Variants in PVR observed in about 807,000 individuals in gnomAD.
PVR encodes the protein poliovirus receptor.
PVR carries 39 observed loss-of-function variants against 43.3 expected under a neutral mutation model. The ratio of observed to expected loss-of-function variants is 0.90; its 90% confidence interval spans 0.70 to 1.18. PVR has a LOEUF of 1.18. Ranked by LOEUF, PVR falls within the 50% of genes most tolerant of loss-of-function variation. The probability of loss-of-function intolerance (pLI) is 0.00; values close to 1 mark genes in which losing one functional copy is unlikely to be tolerated. For missense variants in PVR, 480 were observed against 549.7 expected (o/e 0.87, Z 1.27); for synonymous variants, 224 against 233.2 (o/e 0.96, Z 0.36).
At chr19:44,655,125 C>T (rs1006731098) in intron 4 of PVR, among the ~76,000 whole-genome samples, 6 of 151,972 alleles carry the variant, frequency 3.9e-5, no homozygotes, top group Non-Finnish European at 5.9e-5. Flanking sequence ...GCTCTGTTGC[C>T]GAGGCTGGAG....
chr19:44,657,891 A>G lies in PVR; in HGVS notation c.972A>G (p.Glu324=). Residue 324 remains glutamate (E), a synonymous_variant, in exon 5 of 8, where the codon GAA becomes GAG. Transcript: ENST00000425690. ...VTNALGARQA[E]LTVQVKEGPP... ...ATGCCCTAGGAGCTCGCCAGGCAGA[A>G]CTGACCGTCCAGGTCAAAGGTGAGG... 1 of 1,613,860 alleles carries G rather than the reference A, an allele frequency of 6.2e-7. No homozygotes were observed. The highest frequency in any genetic ancestry group is 8.5e-7 in the Non-Finnish European group (1 of 1,179,890).
chr19:44,646,648 T>C (rs1973121813), intron 1 of PVR, among the ~76,000 whole-genome samples: 1 of 152,074 alleles, frequency 6.6e-6, no homozygotes, highest in Non-Finnish European at 1.5e-5. Context: ...GGTGGGAGCC[T>C]GTCATCCCAG....
rs1200102928 is a variant in PVR, at chr19:44,662,843, ATC to A, written c.*1036_*1037del. ...GCTTCTAAATCTCTGTATCCGTCAG[ATC>A]TCTGTGGTTACAAGAAACAGCCACT... On this transcript the variant is annotated 3_prime_UTR_variant, in exon 8 of 8. Coordinates refer to ENST00000425690, the MANE Select transcript of PVR (RefSeq NM_006505.5). 3 of 152,186 alleles carry A rather than the reference ATC, an allele frequency of 2.0e-5. No homozygotes were observed. The highest frequency in any genetic ancestry group is 4.4e-5 in the Non-Finnish European group (3 of 68,044). 9.4% of individuals were successfully genotyped at this position (152,186 alleles called of 1,614,324 possible).
In PVR at chr19:44,662,214, A is replaced by G. The variant is rs1474745516; in HGVS notation, c.*403A>G. On this transcript the variant is annotated 3_prime_UTR_variant, in exon 8 of 8. Transcript: ENST00000425690. Reference sequence around the variant, plus strand: ...GTGACAACATGCAAGAAGTACTGCCAATACTGCCAACCAGAGCAGCTCACT... The same window carrying G: ...GTGACAACATGCAAGAAGTACTGCCGATACTGCCAACCAGAGCAGCTCACT... The G allele has an allele frequency of 9.7e-6, 2 of 206,000 alleles. No individual in the cohort carries two copies. Among genetic ancestry groups the G allele is most frequent in the Admixed American group, 5.1e-5 (1 of 19,714 alleles). The allele number at this position is 206,000 out of a possible 1,614,324, so 12.8% of individuals were successfully genotyped here. A position where few individuals can be genotyped will look rare whatever the true frequency, so the allele number is the denominator to read the frequency against.
At chr19:44,657,977 A>G (rs76252326) in intron 5 of PVR, 67 bp downstream of exon 5, 26 of 1,519,296 alleles carry the variant, frequency 1.7e-5, no homozygotes, top group Non-Finnish European at 2.2e-5. Context: ...TTCCCTGTCT[A>G]ATGCTCTCTG....
intron 5 of PVR, 65 bp downstream of exon 5, chr19:44,657,975 C>A: frequency 6.6e-7 from 1 of 1,521,988 alleles, no homozygotes; most frequent in South Asian, 1.2e-5. Flanking sequence ...GGTTCCCTGT[C>A]TAATGCTCTC....
intron 1 of PVR, among the ~76,000 whole-genome samples, chr19:44,645,095 TAA>T (rs1361322237): frequency 8.3e-5 from 8 of 96,008 alleles, no homozygotes; most frequent in Non-Finnish European, 1.3e-4. Context: ...ATAAAATATA[TAA>T]TATATATTAT....
chr19:44,650,250 T>C (rs888172942), intron 3 of PVR, 145 bp downstream of exon 3: 23 of 712,340 alleles, frequency 3.2e-5, no homozygotes, highest in Non-Finnish European at 4.3e-5. Context: ...CCCACCCCCA[T>C]TGTCTGCACC....
At chr19:44,646,179 T>G (rs959345951) in intron 1 of PVR, among the ~76,000 whole-genome samples, 1 of 152,150 alleles carries the variant, frequency 6.6e-6, no homozygotes, top group Non-Finnish European at 1.5e-5. Context: ...CTAAGTCTCA[T>G]TTTACAAACT....
In PVR at chr19:44,662,266, GTT is replaced by G; in HGVS notation, c.*457_*458del. Reference sequence around the variant, plus strand: ...GAGATCTTTGTGTCCAGAGTTTTTTGTTTGTCTTGAGACAGGGTCTGGCTCTG... The same window carrying G: ...GAGATCTTTGTGTCCAGAGTTTTTTGTGTCTTGAGACAGGGTCTGGCTCTG... On this transcript the variant is annotated 3_prime_UTR_variant, in exon 8 of 8. Transcript: ENST00000425690. 1.1e-5 allele frequency: 2 copies of G among 175,276 alleles called. No homozygotes were observed. The highest frequency in any genetic ancestry group is 2.8e-4 in the South Asian group (2 of 7,188). 10.9% of individuals were successfully genotyped at this position (175,276 alleles called of 1,614,324 possible).
intron 3 of PVR, 156 bp from the exon 4 acceptor site, chr19:44,653,744 G>A: frequency 1.6e-6 from 1 of 620,964 alleles, no homozygotes; most frequent in Non-Finnish European, 2.9e-6. Flanking sequence ...TCTGCTCTCT[G>A]TGGCACCCCA....
chr19:44,665,889 C>G lies in PVR; in HGVS notation c.*4078C>G, dbSNP rs1163416549. 6 of 152,300 alleles carry G rather than the reference C, an allele frequency of 3.9e-5. No individual in the cohort carries two copies. In the East Asian group the frequency reaches 1.2e-3, roughly 29 times the overall value. The allele number at this position is 152,300 out of a possible 1,614,324, so 9.4% of individuals were successfully genotyped here. ...CAGCAGCAGAAACCTCACCCAGCAG[C>G]GTCTTTTCCGGTCTCATTCACCAGC... On this transcript the variant is annotated 3_prime_UTR_variant, in exon 8 of 8. Transcript: ENST00000425690.
chr19:44,645,582 G>T (rs1973094922), intron 1 of PVR, among the ~76,000 whole-genome samples: 1 of 150,446 alleles, frequency 6.6e-6, no homozygotes, highest in Non-Finnish European at 1.5e-5. Flanking sequence ...TCTCACTGTG[G>T]CTTCTGGAGT....
intron 3 of PVR, among the ~76,000 whole-genome samples, chr19:44,651,307 C>T (rs1225904706): frequency 2.0e-5 from 3 of 152,188 alleles, no homozygotes; most frequent in Non-Finnish European, 4.4e-5. Context: ...AGTGTCTACA[C>T]TGGCTCCTAT....
intron 4 of PVR, among the ~76,000 whole-genome samples, chr19:44,657,032 T>G (rs1973463815): frequency 6.6e-6 from 1 of 151,878 alleles, no homozygotes; most frequent in African/African-American, 2.4e-5. Flanking sequence ...TCATCACAGT[T>G]GAAATAGGGT....
At position 44,647,296 on chromosome 19, in the gene PVR, A is replaced by G. The variant is rs750821579; in HGVS notation, c.153A>G (p.Leu51=). The G allele has an allele frequency of 1.0e-5, 16 of 1,596,278 alleles. No individual in the cohort carries two copies. The highest frequency in any genetic ancestry group is 1.3e-5 in the African/African-American group (1 of 74,562). ...LGDSVTLPCY[L]QVPNMEVTHV... is the part of the protein sequence containing the mutation. ...ACTCCGTGACGCTGCCCTGCTACCT[A>G]CAGGTGCCCAACATGGAGGTGACGC... Residue 51 remains leucine (L), a synonymous_variant, in exon 2 of 8, where the codon CTA becomes CTG. Transcript: ENST00000425690.
At position 44,650,123 on chromosome 19, in the gene PVR, A is replaced by G. The variant is rs896878081; in HGVS notation, c.724+18A>G. The G allele has an allele frequency of 3.3e-6, 5 of 1,509,076 alleles. No individual in the cohort carries two copies. Among genetic ancestry groups the G allele is most frequent in the Non-Finnish European group, 4.4e-6 (5 of 1,128,514 alleles). 93.5% of individuals were successfully genotyped at this position (1,509,076 alleles called of 1,614,324 possible). ...CGTGTACTGTGAGTGTGCCCAAGTCAGCGATGGCAAGAACCCCTGCCGGGC... is the reference window on the plus strand; with the variant it reads ...CGTGTACTGTGAGTGTGCCCAAGTCGGCGATGGCAAGAACCCCTGCCGGGC... On this transcript the variant is annotated intron_variant, in intron 3 of 7. Coordinates refer to ENST00000425690, the MANE Select transcript of PVR (RefSeq NM_006505.5).
intron 1 of PVR, 119 bp from the exon 2 acceptor site, chr19:44,647,104 A>G: frequency 1.2e-5 from 1 of 84,930 alleles, no homozygotes; most frequent in Non-Finnish European, 1.9e-5. Flanking sequence ...CCCACGGTCC[A>G]CCGGGGATCC....
In PVR at chr19:44,644,110, T is replaced by A; in HGVS notation, c.14T>A (p.Met5Lys). The change falls in exon 1 of 8, where the codon ATG (methionine) becomes AAG (lysine). Residue 5 changes from methionine to lysine, a missense_variant. By Grantham distance (95) the Met-to-Lys change is moderately conservative (BLOSUM62 -1). Transcript: ENST00000425690. MARA[M>K]AAAWPLLLVA... ...GGAGCAACTGGCATGGCCCGAGCCA[T>A]GGCCGCCGCGTGGCCGCTGCTGCTG... 6.6e-7 allele frequency: 1 copy of A among 1,518,482 alleles called. No individual in the cohort carries two copies. Among genetic ancestry groups the A allele is most frequent in the Non-Finnish European group, 8.8e-7 (1 of 1,138,880 alleles). 94.1% of individuals were successfully genotyped at this position (1,518,482 alleles called of 1,614,324 possible). A position where few individuals can be genotyped will look rare whatever the true frequency, so the allele number is the denominator to read the frequency against.
Sources: gnomAD v4.1 joint callset for allele counts (sites outside exome capture counted in the v4.1 genomes callset) on GRCh38, gnomAD v4.1.1 for gene constraint, MANE v1.5 for transcripts, NCBI Gene and HGNC (gene_info 2026-07-23, HGNC 2026-07-21) for gene names.